TENM2: variants seen among roughly 807,000 people sequenced by gnomAD.
The protein encoded by TENM2 is teneurin-2.
Under a neutral mutation model 245.2 loss-of-function variants are expected in TENM2, and 52 were observed. The ratio of observed to expected loss-of-function variants is 0.21; its 90% confidence interval spans 0.17 to 0.27. The LOEUF is 0.27. Ranked by LOEUF, TENM2 falls within the 10% of genes least tolerant of loss-of-function variation. The pLI is 1.00. For missense variants in TENM2, 3,046 were observed against 3,666.8 expected, an observed-to-expected ratio of 0.83 and a Z score of 4.37; for synonymous variants, 1,363 against 1,438.9, an observed-to-expected ratio of 0.95 and a Z score of 1.19.
chr5:168,128,001 C>T (rs768034170), intron 12 of TENM2, among the ~76,000 whole-genome samples: 4 of 152,190 alleles, frequency 2.6e-5, no homozygotes, highest in Admixed American at 2.0e-4. Flanking sequence ...TAGGAGCTTG[C>T]GCAGGGCTGA....
chr5:168,223,996 T>G (rs1406821605), intron 23 of TENM2, among the ~76,000 whole-genome samples: 1 of 151,736 alleles, frequency 6.6e-6, no homozygotes, highest in South Asian at 2.1e-4. Flanking sequence ...GATTTGTGTA[T>G]GCCAATAAAT....
chr5:167,339,763 C>T (rs1341566789), intron 1 of TENM2, among the ~76,000 whole-genome samples: 1 of 152,054 alleles, frequency 6.6e-6, no homozygotes, highest in African/African-American at 2.4e-5. Flanking sequence ...AATGAATTAA[C>T]GCCGTTATAA....
At chr5:167,019,434 A>G in the TENM2 span, among the ~76,000 whole-genome samples, 6 of 152,252 alleles carry the variant, frequency 3.9e-5, no homozygotes, top group Middle Eastern at 3.4e-3. Flanking sequence ...GAGGTAAAAC[A>G]TAGCACAAGC....
At chr5:167,834,912 AG>A (rs1768848607) in intron 2 of TENM2, among the ~76,000 whole-genome samples, 2 of 152,088 alleles carry the variant, frequency 1.3e-5, no homozygotes, top group South Asian at 4.1e-4. Context: ...GGCCTCCCAA[AG>A]TGCTGGGATT....
At chr5:167,345,146 A>G (rs184061182) in intron 1 of TENM2, among the ~76,000 whole-genome samples, 3 of 152,288 alleles carry the variant, frequency 2.0e-5, no homozygotes, top group Admixed American at 2.0e-4. Context: ...CAATTATTCA[A>G]AAGCAGACAT....
rs566376974 is a variant in TENM2 at position 167,547,083 on chromosome 5, C to CTTA, written c.502+171625_502+171627dup. 1.1e-4 allele frequency among the ~76,000 whole-genome samples: 16 copies of CTTA among 152,120 alleles called. No homozygotes were observed. The East Asian group carries it at 2.9e-3, about 28-fold the overall frequency. On this transcript the variant is annotated intron_variant, in intron 2 of 28. Transcript: ENST00000518659. ...ACCAGCATCTGTCTGGAAGTGGAATCTTATTATTATTATTATTTTGAGACA... is the reference window on the plus strand; with the variant it reads ...ACCAGCATCTGTCTGGAAGTGGAATCTTATTATTATTATTATTATTTTGAGACA...
At chr5:168,069,850 G>A (rs1790827361) in intron 7 of TENM2, among the ~76,000 whole-genome samples, 1 of 152,080 alleles carries the variant, frequency 6.6e-6, no homozygotes, top group African/African-American at 2.4e-5. Flanking sequence ...ATGGTGGTGG[G>A]GATCTTCTTG....
chr5:167,430,088 A>G (rs570878894), intron 2 of TENM2, among the ~76,000 whole-genome samples: 4 of 152,138 alleles, frequency 2.6e-5, no homozygotes, highest in Non-Finnish European at 4.4e-5. Context: ...GGGCAAAATC[A>G]TCTAAGGCTG....
chr5:167,411,850 A>G (rs1361226926), intron 2 of TENM2, among the ~76,000 whole-genome samples: 18 of 146,636 alleles, frequency 1.2e-4, no homozygotes, highest in Admixed American at 1.2e-3. Context: ...TCTTTCAATT[A>G]TCATATTCAT....
chr5:167,838,974 G>C (rs1423413223), intron 2 of TENM2, among the ~76,000 whole-genome samples: 2 of 152,184 alleles, frequency 1.3e-5, no homozygotes, highest in Non-Finnish European at 2.9e-5. Context: ...CTGCTTTCTA[G>C]TTTAGGGTGT....
chr5:168,217,324 C>G (rs1266595992), intron 22 of TENM2, among the ~76,000 whole-genome samples: 1 of 152,164 alleles, frequency 6.6e-6, no homozygotes, highest in Non-Finnish European at 1.5e-5. Context: ...CTATATAAAC[C>G]TTTACTTTGT....
At chr5:166,989,554 G>A in the TENM2 span, among the ~76,000 whole-genome samples, 1 of 151,474 alleles carries the variant, frequency 6.6e-6, no homozygotes, top group Non-Finnish European at 1.5e-5. Context: ...CCCACATCAG[G>A]CTAACTTTTG....
At chr5:167,350,443 GTGTA>G (rs1242551373) in intron 1 of TENM2, among the ~76,000 whole-genome samples, 1 of 139,876 alleles carries the variant, frequency 7.1e-6, no homozygotes, top group Non-Finnish European at 1.6e-5. Context: ...GTGTGTGTGT[GTGTA>G]TGTATGTCCC....
chr5:168,188,802 TG>T (rs1156557861), intron 13 of TENM2, among the ~76,000 whole-genome samples: 1 of 152,086 alleles, frequency 6.6e-6, no homozygotes, highest in Non-Finnish European at 1.5e-5. Context: ...TGGGGAGATG[TG>T]GGGTGGGCCG....
At chr5:167,091,759 C>G in the TENM2 span, among the ~76,000 whole-genome samples, 1 of 152,092 alleles carries the variant, frequency 6.6e-6, no homozygotes, top group Non-Finnish European at 1.5e-5. Context: ...CTGTTAATTT[C>G]CTTTCAAGAT....
chr5:167,138,333 A>G, the TENM2 span, among the ~76,000 whole-genome samples: 1 of 152,236 alleles, frequency 6.6e-6, no homozygotes, highest in African/African-American at 2.4e-5. Context: ...GACTCAGAGC[A>G]AACTTCTTAA....
At chr5:167,301,044 C>G (rs972773519) in intron 1 of TENM2, among the ~76,000 whole-genome samples, 19 of 152,052 alleles carry the variant, frequency 1.2e-4, no homozygotes, top group African/African-American at 4.6e-4. Flanking sequence ...TGGGTAGCCT[C>G]CTTATTGATT....
At chr5:167,364,384 G>GA (rs1195035058) in intron 1 of TENM2, among the ~76,000 whole-genome samples, 1 of 152,000 alleles carries the variant, frequency 6.6e-6, no homozygotes, top group Non-Finnish European at 1.5e-5. Flanking sequence ...ATTAGGCAAA[G>GA]AAATACAGAG....
chr5:168,003,989 C>T (rs1784609824), intron 5 of TENM2, among the ~76,000 whole-genome samples: 1 of 152,178 alleles, frequency 6.6e-6, no homozygotes, highest in Admixed American at 6.5e-5. Context: ...TCAGCTACAA[C>T]CCTTGCTACT....
Sources: allele counts gnomAD v4.1 joint callset (sites outside exome capture counted in the v4.1 genomes callset), GRCh38; gene constraint gnomAD v4.1.1; transcripts MANE v1.5; gene names NCBI Gene and HGNC (gene_info 2026-07-23, HGNC 2026-07-21).